The following ZNF567 variants were observed in gnomAD, a reference collection of about 807,000 sequenced individuals.
ZNF567 encodes the protein zinc finger protein 567.
Under a neutral mutation model 53.9 loss-of-function variants are expected in ZNF567, and 36 were observed. That is an observed-to-expected ratio of 0.67 (90% CI 0.51 to 0.88). The LOEUF is 0.88. ZNF567 is among the 40% of genes least tolerant of loss of function. The probability of loss-of-function intolerance (pLI) is 0.00; values close to 1 mark genes in which losing one functional copy is unlikely to be tolerated. For missense variants in ZNF567, 619 were observed against 764.7 expected, an observed-to-expected ratio of 0.81 and a Z score of 2.25; for synonymous variants, 224 against 260.4, an observed-to-expected ratio of 0.86 and a Z score of 1.35.
intron 5 of ZNF567, among the ~76,000 whole-genome samples, chr19:36,715,512 T>TA (rs1568711635): frequency 0.13 from 4,538 of 34,412 alleles, 82 homozygotes; most frequent in Non-Finnish European, 0.16. Flanking sequence ...TAATAATAAT[T>TA]ATTATTATTA....
intron 3 of ZNF567, among the ~76,000 whole-genome samples, chr19:36,710,363 A>G (rs1222440553): frequency 7.3e-6 from 1 of 137,238 alleles, no homozygotes; most frequent in African/African-American, 2.8e-5. Context: ...TTTTGTGACT[A>G]CAGGTTTTAT....
At chr19:36,710,516 A>G (rs1034255203) in intron 3 of ZNF567, among the ~76,000 whole-genome samples, 1 of 152,164 alleles carries the variant, frequency 6.6e-6, no homozygotes, top group Non-Finnish European at 1.5e-5. Context: ...TTAGTAGGCA[A>G]TTAGCTTGCT....
the ZNF567 span, chr19:36,668,433 T>C: frequency 0.013 from 2,022 of 152,468 alleles, 52 homozygotes; most frequent in African/African-American, 0.046. Flanking sequence ...CACAGGGATC[T>C]TGTGACATTC....
At chr19:36,672,113 T>C in the ZNF567 span, among the ~76,000 whole-genome samples, 2 of 152,232 alleles carry the variant, frequency 1.3e-5, no homozygotes, top group African/African-American at 4.8e-5. Context: ...TACAGTCCTG[T>C]TCTGGGACAT....
At chr19:36,689,882 T>G (rs1234744432) in intron 2 of ZNF567, among the ~76,000 whole-genome samples, 1 of 152,196 alleles carries the variant, frequency 6.6e-6, no homozygotes, top group East Asian at 1.9e-4. Flanking sequence ...TTTTTCCCCC[T>G]GGAAAAACAC....
chr19:36,687,656 G>A (rs1054910374), intron 1 of ZNF567, 22 bp downstream of exon 1: 1 of 152,566 alleles, frequency 6.6e-6, no homozygotes, highest in Admixed American at 6.5e-5. Flanking sequence ...GGGTCCCGCG[G>A]GCGCGGAGAA....
intron 3 of ZNF567, among the ~76,000 whole-genome samples, chr19:36,698,231 A>G (rs897062974): frequency 2.9e-4 from 44 of 152,006 alleles, no homozygotes; most frequent in African/African-American, 1.0e-3. Context: ...AATTTCATCC[A>G]TGTCCCTACA....
chr19:36,709,202 A>C (rs559786702), intron 3 of ZNF567, among the ~76,000 whole-genome samples: 3 of 152,210 alleles, frequency 2.0e-5, no homozygotes. Flanking sequence ...TACAAGAAAA[A>C]ATATTCCTGA....
At chr19:36,713,297 A>G (rs755671760) in intron 5 of ZNF567, among the ~76,000 whole-genome samples, 4 of 152,144 alleles carry the variant, frequency 2.6e-5, no homozygotes, top group Non-Finnish European at 4.4e-5. Context: ...TTTACAAAAA[A>G]AATACAAAAG....
the ZNF567 span, among the ~76,000 whole-genome samples, chr19:36,673,266 T>C: frequency 6.6e-6 from 1 of 152,192 alleles, no homozygotes; most frequent in Non-Finnish European, 1.5e-5. Context: ...AGTATGGTTT[T>C]AGGAGATGCT....
chr19:36,723,954 A>G (rs2040323326), downstream of ZNF567, among the ~76,000 whole-genome samples: 4 of 148,696 alleles, frequency 2.7e-5, no homozygotes, highest in South Asian at 8.5e-4. Flanking sequence ...AAAACTGATG[A>G]GTTTCTTATG....
rs772070523 is a variant in ZNF567 at position 36,719,464 on chromosome 19, C to A, written c.740C>A (p.Thr247Asn). 1 of 1,610,284 alleles carries A rather than the reference C, an allele frequency of 6.2e-7. No homozygotes were observed. Among genetic ancestry groups the A allele is most frequent in the Non-Finnish European group, 8.5e-7 (1 of 1,179,098 alleles). Residue 247 changes from threonine (T) to asparagine (N), a missense_variant, in exon 6 of 6, where the codon ACC (threonine) becomes AAC (asparagine). Physicochemically the swap from Thr to Asn is moderately conservative, Grantham distance 65. Coordinates refer to ENST00000682579, the MANE Select transcript of ZNF567 (RefSeq NM_001322917.1). ...PSVYNKKRRA[T>N]NIEKKHTCNE... ...GTATATAATAAAAAAAGAAGAGCAA[C>A]CAATATTGAAAAAAAACATACATGC...
chr19:36,701,035 T>G (rs2039154075), intron 3 of ZNF567, among the ~76,000 whole-genome samples: 1 of 152,106 alleles, frequency 6.6e-6, no homozygotes. Flanking sequence ...TTTTGGATCT[T>G]TCCTGCTTTC....
At chr19:36,700,793 T>A (rs1044589097) in intron 3 of ZNF567, among the ~76,000 whole-genome samples, 22 of 152,220 alleles carry the variant, frequency 1.4e-4, no homozygotes, top group Non-Finnish European at 3.1e-4. Context: ...TTTTATTGCG[T>A]CTATTTGATT....
intron 3 of ZNF567, among the ~76,000 whole-genome samples, chr19:36,704,029 C>T (rs1351563075): frequency 5.9e-5 from 9 of 152,348 alleles, no homozygotes; most frequent in Admixed American, 2.0e-4. Context: ...GCATCGCTCA[C>T]GCTGGGAGCT....
In ZNF567 at chr19:36,720,156, G is replaced by T. The variant is rs1568720127; in HGVS notation, c.1432G>T (p.Glu478Ter). The T allele has an allele frequency of 6.2e-7, 1 of 1,613,864 alleles. No individual in the cohort carries two copies. Among genetic ancestry groups the T allele is most frequent in the Non-Finnish European group, 8.5e-7 (1 of 1,179,968 alleles). ...AACACATACAGGGGAGAAATCTTAT[G>T]AATGTCCTCACTGTGGGAAGGCCTT... ...QRTHTGEKSY[E>*]CPHCGKAFRM... Residue 478 changes from glutamate to a stop codon, truncating the protein, a stop_gained, in exon 6 of 6, where the codon GAA becomes TAA. Transcript: ENST00000682579. LOFTEE classifies it high-confidence loss of function.
the ZNF567 span, among the ~76,000 whole-genome samples, chr19:36,670,834 G>C: frequency 3.3e-5 from 5 of 152,088 alleles, no homozygotes; most frequent in African/African-American, 1.2e-4. Flanking sequence ...GGGCGTGGTG[G>C]CTCACACCTG....
At chr19:36,687,560 C>T (rs1269533012), upstream of ZNF567, 1 of 152,298 alleles carries the variant, frequency 6.6e-6, no homozygotes, top group African/African-American at 2.4e-5. Context: ...ACAGCAGGAA[C>T]GCGCCGCGGA....
At chr19:36,723,177 T>A (rs1409012847), downstream of ZNF567, 1 of 702,928 alleles carries the variant, frequency 1.4e-6, no homozygotes, top group Non-Finnish European at 2.6e-6. Context: ...GAAGCCTACC[T>A]TGTTTTTCTA....
Sources: gnomAD v4.1 joint callset for allele counts (sites outside exome capture counted in the v4.1 genomes callset) on GRCh38, gnomAD v4.1.1 for gene constraint, MANE v1.5 for transcripts, NCBI Gene and HGNC (gene_info 2026-07-23, HGNC 2026-07-21) for gene names.